ZNF804A: variants seen among roughly 807,000 people sequenced by gnomAD.
ZNF804A encodes zinc finger protein 804A.
Under a neutral mutation model 16.5 loss-of-function variants are expected in ZNF804A, and 2 were observed. That is an observed-to-expected ratio of 0.12 (90% CI 0.05 to 0.38). ZNF804A has a LOEUF of 0.38. Among genes scored for constraint, ZNF804A ranks in the 10% least tolerant of loss-of-function variants. The pLI, the probability that ZNF804A is intolerant of heterozygous loss-of-function variation, is 0.99. For missense variants in ZNF804A, 1,473 were observed against 1,390.7 expected (o/e 1.06, Z -0.94); for synonymous variants, 534 against 489.6 (o/e 1.09, Z -1.20).
At chr2:184,692,894 T>C (rs1343216996) in intron 1 of ZNF804A, among the ~76,000 whole-genome samples, 1 of 152,104 alleles carries the variant, frequency 6.6e-6, no homozygotes, top group Non-Finnish European at 1.5e-5. Context: ...ATAAAAAAAA[T>C]ACATAGCTAT....
chr2:184,828,659 T>C lies in ZNF804A; in HGVS notation c.112-37710T>C, dbSNP rs374676534. Among the ~76,000 whole-genome samples, 14 of 152,020 alleles carry C rather than the reference T, an allele frequency of 9.2e-5. No individual in the cohort carries two copies. The South Asian group carries it at 1.9e-3, about 20-fold the overall frequency. On this transcript the variant is annotated intron_variant, in intron 1 of 3. Transcript: ENST00000302277. ...CAATGCTTATTTCCTAATATATCAA[T>C]GTTACAGGTTCCCTTGACTTCATGA...
At chr2:184,849,867 A>G (rs879633069) in intron 1 of ZNF804A, among the ~76,000 whole-genome samples, 1 of 152,040 alleles carries the variant, frequency 6.6e-6, no homozygotes, top group African/African-American at 2.4e-5. Flanking sequence ...CATATGCACA[A>G]TGGAATATTT....
rs150718108 is a variant in ZNF804A, at chr2:184,861,261, G to C, written c.112-5108G>C. On this transcript the variant is annotated intron_variant, in intron 1 of 3. Coordinates refer to ENST00000302277, the MANE Select transcript of ZNF804A (RefSeq NM_194250.2). ...CTTTCTTGCTTGGAGCTGGTGGAAG[G>C]GTGACATAGGTAATGTAATACTATC... 9.1e-3 allele frequency among the ~76,000 whole-genome samples: 1,382 copies of C among 152,214 alleles called. 23 individuals are homozygous for C. The highest frequency in any genetic ancestry group is 0.032 in the African/African-American group (1,321 of 41,520).
chr2:184,833,264 T>G (rs1218628985), intron 1 of ZNF804A, among the ~76,000 whole-genome samples: 1 of 152,180 alleles, frequency 6.6e-6, no homozygotes, highest in East Asian at 1.9e-4. Context: ...TTTTTTTGGA[T>G]TATACATTAT....
chr2:184,929,059 G>T (rs546081460), intron 2 of ZNF804A, among the ~76,000 whole-genome samples: 59 of 152,108 alleles, frequency 3.9e-4, no homozygotes, highest in African/African-American at 1.4e-3. Context: ...TAGATAAATT[G>T]TTATCCTTGT....
intron 1 of ZNF804A, among the ~76,000 whole-genome samples, chr2:184,802,259 G>A (rs923155929): frequency 6.6e-6 from 1 of 152,150 alleles, no homozygotes; most frequent in Non-Finnish European, 1.5e-5. Context: ...GTTACAGAGG[G>A]TTGAAATTGG....
At chr2:184,911,727 T>C (rs749441876) in intron 2 of ZNF804A, among the ~76,000 whole-genome samples, 1 of 151,934 alleles carries the variant, frequency 6.6e-6, no homozygotes, top group South Asian at 2.1e-4. Flanking sequence ...TTTGTGACTA[T>C]TGTAAATGGA....
chr2:184,661,381 G>T (rs1199331056), intron 1 of ZNF804A, among the ~76,000 whole-genome samples: 2 of 152,184 alleles, frequency 1.3e-5, no homozygotes, highest in Non-Finnish European at 2.9e-5. Flanking sequence ...GCCCATAGCT[G>T]GGTGAGTTTC....
chr2:184,848,873 T>C (rs2105803191), intron 1 of ZNF804A, among the ~76,000 whole-genome samples: 1 of 152,180 alleles, frequency 6.6e-6, no homozygotes, highest in South Asian at 2.1e-4. Context: ...AAGATATTCA[T>C]AGAAAATAAC....
At chr2:184,766,140 A>C (rs1429393878) in intron 1 of ZNF804A, among the ~76,000 whole-genome samples, 5 of 152,156 alleles carry the variant, frequency 3.3e-5, no homozygotes, top group South Asian at 2.1e-4. Flanking sequence ...AAACGTGCCT[A>C]TTACTTTATT....
intron 1 of ZNF804A, among the ~76,000 whole-genome samples, chr2:184,687,795 T>C (rs1692661677): frequency 6.6e-6 from 1 of 152,002 alleles, no homozygotes; most frequent in African/African-American, 2.4e-5. Context: ...TTTACCACAA[T>C]AAAAAAAATT....
intron 1 of ZNF804A, among the ~76,000 whole-genome samples, chr2:184,820,267 G>T (rs115972625): frequency 1.7e-3 from 259 of 152,020 alleles, no homozygotes; most frequent in African/African-American, 5.8e-3. Context: ...TTCAACATAC[G>T]CAAATCAATA....
At position 184,938,940 on chromosome 2, in the gene ZNF804A, C is replaced by G. The variant is rs765664567; in HGVS notation, c.3544C>G (p.Leu1182Val). ...IPASVLHPSHLAFPSLPHALF... is the reference protein window; with the variant it reads ...IPASVLHPSHVAFPSLPHALF... The stretch of plus-strand genomic sequence containing the variant: ...AGCTTCCGTTCTTCATCCTAGCCAT[C>G]TGGCTTTCCCATCTTTACCCCATGC... Residue 1182 changes from leucine to valine, a missense_variant, in exon 4 of 4, where the codon CTG becomes GTG. Leu to Val is a conservative substitution (Grantham distance 32). Transcript: ENST00000302277. The G allele has an allele frequency of 3.7e-6, 6 of 1,613,880 alleles. No individual in the cohort carries two copies. The South Asian group carries it at 6.6e-5, about 18-fold the overall frequency.
intron 1 of ZNF804A, among the ~76,000 whole-genome samples, chr2:184,658,054 G>T (rs1439601167): frequency 6.6e-6 from 1 of 152,178 alleles, no homozygotes; most frequent in Non-Finnish European, 1.5e-5. Flanking sequence ...ATTTCATGGA[G>T]GTCTTCACAT....
chr2:184,702,987 T>C (rs989535566), intron 1 of ZNF804A, among the ~76,000 whole-genome samples: 3 of 152,210 alleles, frequency 2.0e-5, no homozygotes, highest in Admixed American at 1.3e-4. Context: ...TTAATGTCTA[T>C]GCATATGTCA....
intron 1 of ZNF804A, among the ~76,000 whole-genome samples, chr2:184,769,530 G>T (rs1694180743): frequency 6.6e-6 from 1 of 151,994 alleles, no homozygotes; most frequent in African/African-American, 2.4e-5. Context: ...TAGAAATCCT[G>T]AGTCTTTTTT....
intron 1 of ZNF804A, among the ~76,000 whole-genome samples, chr2:184,858,447 T>C (rs1361379413): frequency 1.3e-5 from 2 of 148,966 alleles, no homozygotes; most frequent in Non-Finnish European, 3.0e-5. Flanking sequence ...AAGTTTGCAG[T>C]GAGCCGAGAT....
chr2:184,811,139 G>C (rs1694892785), intron 1 of ZNF804A, among the ~76,000 whole-genome samples: 1 of 152,106 alleles, frequency 6.6e-6, no homozygotes, highest in East Asian at 1.9e-4. Flanking sequence ...TTTGGGGATG[G>C]CACGCTATGG....
chr2:184,871,745 T>C lies in ZNF804A; in HGVS notation c.255+5233T>C, dbSNP rs939186782. Among the ~76,000 whole-genome samples, 22 of 152,098 alleles carry C rather than the reference T, an allele frequency of 1.4e-4. No individual in the cohort carries two copies. The East Asian group carries it at 2.5e-3, about 17-fold the overall frequency. ...CAAACCTTAATTGTTTAAAATTAAA[T>C]AGTTTAAGAAAATAAAAGATTAGTT... On this transcript the variant is annotated intron_variant, in intron 2 of 3. Transcript: ENST00000302277.
Sources: gnomAD v4.1 joint callset for allele counts (sites outside exome capture counted in the v4.1 genomes callset) on GRCh38, gnomAD v4.1.1 for gene constraint, MANE v1.5 for transcripts, NCBI Gene and HGNC (gene_info 2026-07-23, HGNC 2026-07-21) for gene names.